Variants in SAMMSON observed in about 807,000 individuals in gnomAD.
SAMMSON encodes the protein long intergenic non-protein coding RNA 1212.
intron 3 of SAMMSON, among the ~76,000 whole-genome samples, chr3:70,057,563 G>A (rs958142433): frequency 2.6e-5 from 4 of 151,898 alleles, no homozygotes; most frequent in Non-Finnish European, 1.5e-5. Context: ...GGAAAAAACT[G>A]TAGCTAATTT....
intron 4 of SAMMSON, among the ~76,000 whole-genome samples, chr3:70,175,407 G>A (rs1701002165): frequency 6.6e-6 from 1 of 152,014 alleles, no homozygotes; most frequent in South Asian, 2.1e-4. Flanking sequence ...TTCTCATCAA[G>A]CCCTACCAGA....
At chr3:70,080,497 G>A (rs2067263990) in intron 4 of SAMMSON, among the ~76,000 whole-genome samples, 1 of 152,166 alleles carries the variant, frequency 6.6e-6, no homozygotes, top group Non-Finnish European at 1.5e-5. Context: ...AAATGGTGAT[G>A]AGACAGATCA....
At chr3:70,275,413 G>C (rs1702014413) in intron 6 of SAMMSON, among the ~76,000 whole-genome samples, 1 of 152,182 alleles carries the variant, frequency 6.6e-6, no homozygotes, top group Non-Finnish European at 1.5e-5. Context: ...TACTAGGGAG[G>C]CTGAGGTGGG....
At chr3:70,289,874 C>G (rs1004541243) in intron 6 of SAMMSON, among the ~76,000 whole-genome samples, 1 of 151,934 alleles carries the variant, frequency 6.6e-6, no homozygotes, top group Non-Finnish European at 1.5e-5. Context: ...CTTCTGCATT[C>G]TTCACGTAGT....
chr3:70,059,141 G>A (rs1226176346), intron 3 of SAMMSON, among the ~76,000 whole-genome samples: 2 of 152,092 alleles, frequency 1.3e-5, no homozygotes, highest in African/African-American at 4.8e-5. Flanking sequence ...CTGGCTAGAA[G>A]AGCTTTATAT....
chr3:70,042,257 A>C (rs1559779151), intron 3 of SAMMSON, among the ~76,000 whole-genome samples: 1 of 152,100 alleles, frequency 6.6e-6, no homozygotes, highest in Non-Finnish European at 1.5e-5. Context: ...TGTGTTATTT[A>C]AATTTCCAAA....
At chr3:70,028,437 A>G (rs1004285000) in intron 3 of SAMMSON, among the ~76,000 whole-genome samples, 1 of 152,128 alleles carries the variant, frequency 6.6e-6, no homozygotes, top group Non-Finnish European at 1.5e-5. Context: ...AGAGGGGTGA[A>G]CTGATGGGGA....
At chr3:70,188,849 C>T (rs545005439) in intron 4 of SAMMSON, among the ~76,000 whole-genome samples, 32 of 152,242 alleles carry the variant, frequency 2.1e-4, no homozygotes, top group African/African-American at 6.3e-4. Context: ...ATGGTGGTGA[C>T]GACTAGAACC....
At chr3:70,123,550 A>G (rs1339263805) in intron 4 of SAMMSON, among the ~76,000 whole-genome samples, 2 of 152,220 alleles carry the variant, frequency 1.3e-5, no homozygotes, top group African/African-American at 4.8e-5. Flanking sequence ...GATTACAGGC[A>G]TGAGCCACCA....
At chr3:70,317,003 G>A (rs111323889) in intron 7 of SAMMSON, among the ~76,000 whole-genome samples, 24 of 152,106 alleles carry the variant, frequency 1.6e-4, no homozygotes, top group East Asian at 9.7e-4. Context: ...GTGTGTTACG[G>A]ATATTCTTGG....
intron 4 of SAMMSON, among the ~76,000 whole-genome samples, chr3:70,141,748 T>C (rs1229317271): frequency 6.6e-6 from 1 of 152,190 alleles, no homozygotes; most frequent in Admixed American, 6.5e-5. Context: ...TTTCTTCTTA[T>C]TTCACAGCTG....
At chr3:70,072,385 T>A (rs911923034) in intron 4 of SAMMSON, 1 of 151,932 alleles carries the variant, frequency 6.6e-6, no homozygotes, top group African/African-American at 2.4e-5. Context: ...TTCTGTTTAT[T>A]TTGTCCTGAG....
intron 4 of SAMMSON, among the ~76,000 whole-genome samples, chr3:70,117,907 A>G (rs1489194817): frequency 6.6e-6 from 1 of 152,004 alleles, no homozygotes; most frequent in Non-Finnish European, 1.5e-5. Flanking sequence ...AATTTTTTTA[A>G]TTTAATTTTA....
intron 6 of SAMMSON, among the ~76,000 whole-genome samples, chr3:70,264,873 C>T (rs2106664938): frequency 6.6e-6 from 1 of 152,242 alleles, no homozygotes; most frequent in South Asian, 2.1e-4. Context: ...ATACCATAGA[C>T]TGGGTAATTT....
At chr3:70,426,281 G>C (rs1701367906) in intron 2 of SAMMSON, among the ~76,000 whole-genome samples, 1 of 152,290 alleles carries the variant, frequency 6.6e-6, no homozygotes, top group East Asian at 1.9e-4. Context: ...CTTGAATGAA[G>C]TTCCTGTCCC....
intron 9 of SAMMSON, among the ~76,000 whole-genome samples, chr3:70,363,800 CTGTGTG>C (rs10542257): frequency 0.025 from 3,735 of 146,804 alleles, 58 homozygotes; most frequent in Admixed American, 0.051. Flanking sequence ...ATTGCATTGT[CTGTGTG>C]TGTGTGTGTG....
chr3:70,168,858 A>G (rs938980422), intron 4 of SAMMSON, among the ~76,000 whole-genome samples: 5 of 152,002 alleles, frequency 3.3e-5, no homozygotes, highest in Admixed American at 3.3e-4. Context: ...ACAATGTGTT[A>G]CATTTGGAAC....
chr3:70,419,019 TTCTTTCTTTCTTTC>T (rs1701290050), intron 2 of SAMMSON, among the ~76,000 whole-genome samples: 1 of 138,550 alleles, frequency 7.2e-6, no homozygotes, highest in African/African-American at 3.1e-5. Flanking sequence ...CTTTCTTTCC[TTCTTTCTTTCTTTC>T]TTCTTTCTTT....
chr3:70,023,067 A>C (rs1035574140), intron 3 of SAMMSON, among the ~76,000 whole-genome samples: 1 of 152,150 alleles, frequency 6.6e-6, no homozygotes, highest in Non-Finnish European at 1.5e-5. Flanking sequence ...GCAAAATCTC[A>C]CCTCATCTCA....
Sources: allele counts gnomAD v4.1 joint callset (sites outside exome capture counted in the v4.1 genomes callset), GRCh38; gene constraint gnomAD v4.1.1; transcripts MANE v1.5; gene names NCBI Gene and HGNC (gene_info 2026-07-23, HGNC 2026-07-21).